SEC16A: variants seen among roughly 807,000 people sequenced by gnomAD.
SEC16A encodes the protein SEC16 homolog A, endoplasmic reticulum export factor, also known as protein transport protein Sec16A.
Under a neutral mutation model 221.9 loss-of-function variants are expected in SEC16A, and 110 were observed. The ratio of observed to expected loss-of-function variants is 0.50; its 90% CI spans 0.42 to 0.58. The LOEUF is 0.58. Among genes scored for constraint, SEC16A ranks in the 20% least tolerant of loss-of-function variants. The pLI, the probability that SEC16A is intolerant of heterozygous loss-of-function variation, is 0.00. For synonymous variants in SEC16A, 1,393 were observed against 1,257.7 expected, an observed-to-expected ratio of 1.11 and a Z score of -2.28; for missense variants, 3,165 against 3,097.8, an observed-to-expected ratio of 1.02 and a Z score of -0.52.
upstream of SEC16A, chr9:136,484,285 C>A (rs1842745023): frequency 3.1e-6 from 3 of 968,804 alleles, no homozygotes; most frequent in Admixed American, 5.0e-5. Context: ...AGCGACCCAG[C>A]GGAGGGGTGA....
intron 22 of SEC16A, 110 bp from the exon 23 acceptor site, chr9:136,451,518 C>T: frequency 7.9e-7 from 1 of 1,267,974 alleles, no homozygotes; most frequent in Non-Finnish European, 1.1e-6. Context: ...CACTGAGAGG[C>T]CGGATGACTC....
At chr9:136,480,124 T>C (rs1042369687) in intron 1 of SEC16A, among the ~76,000 whole-genome samples, 1 of 152,216 alleles carries the variant, frequency 6.6e-6, no homozygotes, top group Non-Finnish European at 1.5e-5. Context: ...CACAGCTCTA[T>C]TTTATATGGA....
chr9:136,446,681 C>G (rs1010374908), intron 28 of SEC16A, among the ~76,000 whole-genome samples, 174 bp downstream of exon 28: 1 of 152,160 alleles, frequency 6.6e-6, no homozygotes, highest in Non-Finnish European at 1.5e-5. Flanking sequence ...CTGTCCCGCC[C>G]GGCACCCTGC....
chr9:136,454,257 G>A lies in SEC16A; in HGVS notation c.5928C>T (p.Pro1976=), dbSNP rs1210216598. The change falls in exon 21 of 32, where the codon CCC becomes CCT. Residue 1976 remains proline (P), a synonymous_variant. Transcript: ENST00000684901. ...CAGGACCCGGCTCCAGGGGCCCCGG[G>A]GGCAGTGGCACTGGGAACATCGGCA... ...ARVPMFPVPL[P]PGPLEPGPGC... is the part of the protein sequence containing the mutation. 1 of 1,581,104 alleles carries A rather than the reference G, an allele frequency of 6.3e-7. No homozygotes were observed.
chr9:136,444,989 G>A, intron 30 of SEC16A, 63 bp downstream of exon 30: 1 of 1,477,706 alleles, frequency 6.8e-7, no homozygotes, highest in South Asian at 1.2e-5. Flanking sequence ...GGCACCGCGT[G>A]CTCAGGAACA....
chr9:136,445,111 G>A lies in SEC16A; in HGVS notation c.6868C>T (p.Leu2290Phe). ...GAACTCATTGAACTACAGCGCGAAA[G>A]CTACAAAACAGCAAGAACACACATA... is the stretch of plus-strand genomic sequence containing the variant. ...SRPEGSQGGE[L>F]SRCSSMSSLS... Residue 2290 changes from leucine (L) to phenylalanine (F), a missense_variant and splice_region_variant, in exon 30 of 32, where the codon CTT (leucine) becomes TTT (phenylalanine). Coordinates refer to ENST00000684901, the MANE Select transcript of SEC16A (RefSeq NM_014866.2). 1 of 1,603,938 alleles carries A rather than the reference G, an allele frequency of 6.2e-7. No homozygotes were observed. Among genetic ancestry groups the A allele is most frequent in the Non-Finnish European group, 8.5e-7 (1 of 1,175,368 alleles).
chr9:136,455,426 T>G (rs1413849349), intron 20 of SEC16A, among the ~76,000 whole-genome samples, 175 bp downstream of exon 20: 4 of 151,756 alleles, frequency 2.6e-5, no homozygotes, highest in Non-Finnish European at 5.9e-5. Context: ...GGAGGAAGCA[T>G]GAAGGGAAGA....
At position 136,464,519 on chromosome 9, in the gene SEC16A, A is replaced by G. The variant is rs368514201; in HGVS notation, c.4347T>C (p.His1449=). Residue 1449 remains histidine (H), a synonymous_variant, in exon 9 of 32, where the codon CAT becomes CAC. Transcript: ENST00000684901. ...PTSPEKFSVP[H]VCARFGPGGQ... is the part of the protein sequence containing the mutation. The stretch of plus-strand genomic sequence containing the variant: ...CGCCAGGGCCAAACCTGGCACAGAC[A>G]TGAGGCACTGAAAATTTTTCAGGAG... The G allele has an allele frequency of 1.0e-5, 16 of 1,607,170 alleles. No homozygotes were observed. The highest frequency in any genetic ancestry group is 2.7e-5 in the African/African-American group (2 of 74,860).
rs778158049 is a variant in SEC16A at position 136,447,289 on chromosome 9, G to C, written c.6635C>G (p.Ala2212Gly). Residue 2212 changes from alanine to glycine, a missense_variant, in exon 27 of 32, where the codon GCG (alanine) becomes GGG (glycine). Ala to Gly is a moderately conservative substitution (Grantham distance 60). Transcript: ENST00000684901. The surrounding 1 kb of genome is among the most constrained non-coding windows in gnomAD (Gnocchi z 5.5). ...TGGCGCGAGTGGAGCGACAAAGTCCGCAGGAGCGAGAGCCGGCTCGCTCCG... is the reference window on the plus strand; with the variant it reads ...TGGCGCGAGTGGAGCGACAAAGTCCCCAGGAGCGAGAGCCGGCTCGCTCCG... ...TQRSEPALAP[A>G]DFVAPLAPLP... is the part of the protein sequence containing the mutation. 1.3e-6 allele frequency: 2 copies of C among 1,597,450 alleles called. No individual in the cohort carries two copies. The highest frequency in any genetic ancestry group is 3.5e-5 in the Admixed American group (2 of 57,248).
Position 136,475,741 on chromosome 9 carries a change from C to G in SEC16A, c.1875G>C (p.Glu625Asp). Residue 625 changes from glutamate to aspartate, a missense_variant, in exon 3 of 32, where the codon GAG (glutamate) becomes GAC (aspartate). Glu to Asp is a conservative substitution (Grantham distance 45). This residue lies in a region of SEC16A where 2,030 missense variants were observed against 1,923.1 expected (regional missense o/e 1.06). Transcript: ENST00000684901. The surrounding 1 kb of genome is among the most constrained non-coding windows in gnomAD (Gnocchi z 5.0). ...KSHLVGVKPF[E>D]ADRANVVGEV... ...CACCAACCACGTTGGCGCGATCTGC[C>G]TCAAATGGTTTTACCCCAACTAAGT... 3 of 1,608,438 alleles carry G rather than the reference C, an allele frequency of 1.9e-6. No individual in the cohort carries two copies. Among genetic ancestry groups the G allele is most frequent in the Non-Finnish European group, 2.5e-6 (3 of 1,177,364 alleles).
In SEC16A at chr9:136,457,513, C is replaced by G. The variant is rs145809910; in HGVS notation, c.5481G>C (p.Glu1827Asp). ...GLATQAFHYC[E>D]AIAKSILTQP... Reference sequence around the variant, plus strand: ...GCGTCAGGATGCTCTTCGCGATGGCCTCACAGTAGTGGAAGGCTTGCGTGG... The same window carrying G: ...GCGTCAGGATGCTCTTCGCGATGGCGTCACAGTAGTGGAAGGCTTGCGTGG... The change falls in exon 18 of 32, where the codon GAG becomes GAC. Residue 1827 changes from glutamate (E) to aspartate (D), a missense_variant. Glu to Asp is a conservative substitution (Grantham distance 45, BLOSUM62 2). Around this residue, in one of 3 missense-constraint regions of SEC16A, gnomAD observed 1,088 missense variants for 1,089.6 expected, o/e 1.00. Transcript: ENST00000684901. 6.2e-7 allele frequency: 1 copy of G among 1,610,400 alleles called. No individual in the cohort carries two copies. Among genetic ancestry groups the G allele is most frequent in the Admixed American group, 1.7e-5 (1 of 59,616 alleles).
chr9:136,479,644 G>T (rs1051494062), intron 1 of SEC16A, among the ~76,000 whole-genome samples: 21 of 152,232 alleles, frequency 1.4e-4, no homozygotes, highest in Admixed American at 9.2e-4. Context: ...GAGCCACCGT[G>T]CCTGGCCAAT....
At chr9:136,446,200 G>C (rs1307329850) in intron 28 of SEC16A, among the ~76,000 whole-genome samples, 1 of 151,670 alleles carries the variant, frequency 6.6e-6, no homozygotes, top group Admixed American at 6.6e-5. Context: ...CTGCCTCCTG[G>C]GTCCAAGCGA....
intron 4 of SEC16A, among the ~76,000 whole-genome samples, chr9:136,469,984 G>A (rs577525495): frequency 4.6e-5 from 7 of 152,332 alleles, no homozygotes; most frequent in Non-Finnish European, 7.3e-5. Context: ...GTCCTCAGCC[G>A]ACCTTTCCAA....
At chr9:136,471,758 A>T (rs1840902122) in intron 4 of SEC16A, among the ~76,000 whole-genome samples, 1 of 152,276 alleles carries the variant, frequency 6.6e-6, no homozygotes, top group African/African-American at 2.4e-5. Context: ...CTAACTGACC[A>T]GCACAGCTAA....
Position 136,447,785 on chromosome 9 carries a change from C to A in SEC16A, c.6447+68G>T. ...AGGGGCAACAGCCACCCAAATATCA[C>A]AGGGCCACATGAGGCTGTTCCCTCC... is the stretch of plus-strand genomic sequence containing the variant. On this transcript the variant is annotated intron_variant, in intron 25 of 31. Transcript: ENST00000684901. The surrounding 1 kb of genome is among the most constrained non-coding windows in gnomAD (Gnocchi z 5.5). The A allele has an allele frequency of 6.4e-7, 1 of 1,555,296 alleles. No homozygotes were observed. The highest frequency in any genetic ancestry group is 1.8e-5 in the Admixed American group (1 of 55,272).
rs1588879400 is a variant in SEC16A at position 136,448,165 on chromosome 9, A to C, written c.6313-4T>G. The C allele has an allele frequency of 1.9e-6, 3 of 1,611,836 alleles. No homozygotes were observed. The African/African-American group carries it at 4.0e-5, about 21-fold the overall frequency. ...AACGAAAGAACCAGGATTCACCCTA[A>C]ATATAAAAAACACGAGAACAACTTT... On this transcript the variant is annotated splice_polypyrimidine_tract_variant and splice_region_variant and intron_variant, in intron 23 of 31. Coordinates refer to ENST00000684901, the MANE Select transcript of SEC16A (RefSeq NM_014866.2).
chr9:136,458,751 G>A lies in SEC16A; in HGVS notation c.5409+383C>T, dbSNP rs184271715. On this transcript the variant is annotated intron_variant, in intron 17 of 31. Transcript: ENST00000684901. Reference sequence around the variant, plus strand: ...GTTTAGGATCAGTCTGGGCAACACAGTTTTTTTCTACAAAAAATAAAAAAA... The same window carrying A: ...GTTTAGGATCAGTCTGGGCAACACAATTTTTTTCTACAAAAAATAAAAAAA... Among the ~76,000 whole-genome samples, 240 of 151,852 alleles carry A rather than the reference G, an allele frequency of 1.6e-3. 1 individual carries two copies. The highest frequency in any genetic ancestry group is 5.5e-3 in the African/African-American group (227 of 41,396).
In SEC16A at chr9:136,447,349, C is replaced by T. The variant is rs752180026; in HGVS notation, c.6575G>A (p.Arg2192His). Residue 2192 changes from arginine (R) to histidine (H), a missense_variant, in exon 27 of 32, where the codon CGC becomes CAC. Physicochemically the swap from Arg to His is conservative, Grantham distance 29. Coordinates refer to ENST00000684901, the MANE Select transcript of SEC16A (RefSeq NM_014866.2). This position sits in a 1 kb window ranked among gnomAD's most constrained non-coding sequence, Gnocchi z 5.5. ...GCTTGGGTTCAGGACGTCAACGTAGCGAGCTCTGGTTCCTGCTGCAAAGGG... is the reference window on the plus strand; with the variant it reads ...GCTTGGGTTCAGGACGTCAACGTAGTGAGCTCTGGTTCCTGCTGCAAAGGG... ...YSRRAAGTRA[R>H]YVDVLNPSGT... The T allele has an allele frequency of 6.9e-6, 11 of 1,597,866 alleles. No individual in the cohort carries two copies. The highest frequency in any genetic ancestry group is 3.4e-5 in the South Asian group (3 of 88,286).
Sources: gnomAD v4.1 joint callset for allele counts (sites outside exome capture counted in the v4.1 genomes callset) on GRCh38, gnomAD v4.1.1 for gene constraint, gnomAD v4.1.1 regional missense constraint, Gnocchi (gnomAD v3.1) non-coding constraint, MANE v1.5 for transcripts, NCBI Gene and HGNC (gene_info 2026-07-23, HGNC 2026-07-21) for gene names.